CSMD1: variants seen among roughly 807,000 people sequenced by gnomAD.
CSMD1 encodes CUB and Sushi multiple domains 1.
Under a neutral mutation model 417.5 loss-of-function variants are expected in CSMD1, and 213 were observed. The ratio of observed to expected loss-of-function variants is 0.51; its 90% CI spans 0.46 to 0.57. The LOEUF (loss-of-function observed/expected upper bound fraction) is 0.57, where lower values mean the gene tolerates loss of function less well. Ranked by LOEUF, CSMD1 falls within the 20% of genes least tolerant of loss-of-function variation. The probability of loss-of-function intolerance (pLI) is 0.00; values close to 1 mark genes in which losing one functional copy is unlikely to be tolerated. For missense variants in CSMD1, 6,923 were observed against 4,529.7 expected (o/e 1.53, Z -15.17); for synonymous variants, 2,862 against 1,736.8 (o/e 1.65, Z -16.11).
intron 3 of CSMD1, among the ~76,000 whole-genome samples, chr8:4,289,434 C>T (rs1032263794): frequency 6.6e-6 from 1 of 151,884 alleles, no homozygotes; most frequent in African/African-American, 2.4e-5. Flanking sequence ...CTATTTTTTG[C>T]ACAAACACTC....
chr8:4,704,075 C>T (rs1471465378), intron 1 of CSMD1, among the ~76,000 whole-genome samples: 7 of 152,198 alleles, frequency 4.6e-5, no homozygotes, highest in Admixed American at 2.6e-4. Flanking sequence ...CCTCCAGCTA[C>T]GCAGACTGGT....
intron 12 of CSMD1, among the ~76,000 whole-genome samples, chr8:3,434,457 A>T (rs1023739677): frequency 1.3e-5 from 2 of 152,228 alleles, no homozygotes; most frequent in African/African-American, 4.8e-5. Flanking sequence ...TATTAAAGAA[A>T]ATAGTATCCC....
intron 3 of CSMD1, among the ~76,000 whole-genome samples, chr8:4,379,412 G>C (rs1802959907): frequency 1.3e-5 from 2 of 152,266 alleles, no homozygotes; most frequent in South Asian, 2.1e-4. Context: ...TGGCAAACCT[G>C]GTGAGTTCCA....
chr8:3,621,499 G>A (rs953607818), intron 7 of CSMD1, among the ~76,000 whole-genome samples: 3 of 152,138 alleles, frequency 2.0e-5, no homozygotes, highest in Non-Finnish European at 4.4e-5. Flanking sequence ...GGAGTATGAT[G>A]AAAATTTACA....
At chr8:3,523,629 A>C (rs1654984614) in intron 10 of CSMD1, among the ~76,000 whole-genome samples, 1 of 152,026 alleles carries the variant, frequency 6.6e-6, no homozygotes, top group Non-Finnish European at 1.5e-5. Flanking sequence ...ATGCATGCAC[A>C]CCGAGACACG....
intron 11 of CSMD1, among the ~76,000 whole-genome samples, chr8:3,474,668 G>A (rs140715539): frequency 4.6e-5 from 7 of 152,180 alleles, no homozygotes; most frequent in African/African-American, 1.4e-4. Context: ...AGGGGAAATT[G>A]GTTTTGGTAT....
At chr8:3,295,209 C>G (rs983816949) in intron 25 of CSMD1, among the ~76,000 whole-genome samples, 1 of 152,066 alleles carries the variant, frequency 6.6e-6, no homozygotes. Context: ...ACTGGAAGCT[C>G]TGCCACCCGG....
At chr8:3,605,954 C>T (rs1021401906) in intron 8 of CSMD1, among the ~76,000 whole-genome samples, 1 of 152,146 alleles carries the variant, frequency 6.6e-6, no homozygotes, top group Admixed American at 6.6e-5. Flanking sequence ...TTAATCCATT[C>T]AACAGAGGAG....
intron 4 of CSMD1, among the ~76,000 whole-genome samples, chr8:4,002,816 C>A (rs1815795125): frequency 6.6e-6 from 1 of 152,018 alleles, no homozygotes; most frequent in South Asian, 2.1e-4. Context: ...CTTAAAAATT[C>A]CCTCATACAA....
At chr8:4,120,011 G>A (rs976265162) in intron 3 of CSMD1, among the ~76,000 whole-genome samples, 4 of 152,052 alleles carry the variant, frequency 2.6e-5, no homozygotes, top group Admixed American at 6.6e-5. Flanking sequence ...ATAGGGTGAC[G>A]GCAGTTGATG....
Position 3,521,497 on chromosome 8 carries a change from G to A in CSMD1, c.1345-27771C>T, listed in dbSNP as rs140028311. ...CATTGTTCCTTGCTGTGGTCATGCCGGTCCCTGTATTACAATGATCTGCCT... is the reference window on the plus strand; with the variant it reads ...CATTGTTCCTTGCTGTGGTCATGCCAGTCCCTGTATTACAATGATCTGCCT... On this transcript the variant is annotated intron_variant, in intron 10 of 69. Coordinates refer to ENST00000635120, the MANE Select transcript of CSMD1 (RefSeq NM_033225.6). Among the ~76,000 whole-genome samples, 40 of 152,174 alleles carry A rather than the reference G, an allele frequency of 2.6e-4. No individual in the cohort carries two copies. In the East Asian group the frequency reaches 4.6e-3, roughly 18 times the overall value.
In CSMD1 at chr8:4,258,601, T is replaced by G. The variant is rs1392007608; in HGVS notation, c.415+161352A>C. ...AAGGAAGGAGGGATGGAGGGAACCC[T>G]TGTTCTCATAGGGGCACTCATTCTA... On this transcript the variant is annotated intron_variant, in intron 3 of 69. Transcript: ENST00000635120. Among the ~76,000 whole-genome samples, 4 of 63,186 alleles carry G rather than the reference T, an allele frequency of 6.3e-5. No homozygotes were observed. In the South Asian group the frequency reaches 1.7e-3, roughly 27 times the overall value. 41.5% of individuals were successfully genotyped at this position (63,186 alleles called of 152,430 possible).
intron 1 of CSMD1, among the ~76,000 whole-genome samples, chr8:4,735,485 A>G (rs1810172814): frequency 6.6e-6 from 1 of 152,164 alleles, no homozygotes; most frequent in Non-Finnish European, 1.5e-5. Context: ...TCAAACATTG[A>G]ACTTTATGCA....
At chr8:4,943,548 A>C (rs959323239) in intron 1 of CSMD1, among the ~76,000 whole-genome samples, 7 of 151,558 alleles carry the variant, frequency 4.6e-5, no homozygotes, top group Non-Finnish European at 8.8e-5. Context: ...TAAAATCATC[A>C]CCTCTCTGTA....
intron 21 of CSMD1, among the ~76,000 whole-genome samples, chr8:3,349,759 G>C (rs1033162577): frequency 7.0e-6 from 1 of 143,368 alleles, no homozygotes; most frequent in Non-Finnish European, 1.5e-5. Context: ...TATAGTTATA[G>C]CTATAAAATA....
intron 1 of CSMD1, among the ~76,000 whole-genome samples, chr8:4,704,788 G>C (rs1039003056): frequency 3.3e-5 from 5 of 152,268 alleles, no homozygotes; most frequent in African/African-American, 1.2e-4. Flanking sequence ...AGTGGCAGTT[G>C]TCCTAACCAG....
chr8:3,272,184 G>C (rs1279076224), intron 26 of CSMD1, among the ~76,000 whole-genome samples: 4 of 146,644 alleles, frequency 2.7e-5, no homozygotes, highest in South Asian at 2.3e-4. Context: ...TTATTAAATA[G>C]GGAATGCTTT....
At chr8:4,451,068 G>C (rs1413691086) in intron 2 of CSMD1, among the ~76,000 whole-genome samples, 2 of 152,138 alleles carry the variant, frequency 1.3e-5, no homozygotes, top group African/African-American at 4.8e-5. Flanking sequence ...CATTCAATAA[G>C]TCAGTCAAGC....
chr8:4,735,431 T>A (rs1810169127), intron 1 of CSMD1, among the ~76,000 whole-genome samples: 1 of 152,198 alleles, frequency 6.6e-6, no homozygotes. Flanking sequence ...AGGGAGAGGA[T>A]TATTACGTAG....
Sources: allele counts gnomAD v4.1 joint callset (sites outside exome capture counted in the v4.1 genomes callset), GRCh38; gene constraint gnomAD v4.1.1; transcripts MANE v1.5; gene names NCBI Gene and HGNC (gene_info 2026-07-23, HGNC 2026-07-21).